TXNDC8: variants seen among roughly 807,000 people sequenced by gnomAD.
TXNDC8 encodes the protein thioredoxin domain-containing protein 8.
Under a neutral mutation model 12.9 loss-of-function variants are expected in TXNDC8, and 15 were observed. The ratio of observed to expected loss-of-function variants is 1.16; its 90% CI spans 0.78 to 1.79. The LOEUF is 1.79. Among genes scored for constraint, TXNDC8 ranks in the 40% most tolerant of loss-of-function variants. The pLI is 0.00. For synonymous variants in TXNDC8, 40 were observed against 35.4 expected, an observed-to-expected ratio of 1.13 and a Z score of -0.46; for missense variants, 128 against 113.2, an observed-to-expected ratio of 1.13 and a Z score of -0.59.
intron 2 of TXNDC8, among the ~76,000 whole-genome samples, chr9:110,330,654 G>A (rs1839511878): frequency 1.3e-5 from 2 of 152,208 alleles, no homozygotes; most frequent in Admixed American, 1.3e-4. Context: ...ACTATGCCCT[G>A]TGGACCAAAT....
intron 3 of TXNDC8, among the ~76,000 whole-genome samples, chr9:110,308,003 G>T (rs1838526277): frequency 6.6e-6 from 1 of 152,208 alleles, no homozygotes; most frequent in South Asian, 2.1e-4. Flanking sequence ...GGTGTTTGGG[G>T]TTCACATTTG....
chr9:110,330,546 A>G (rs1839508993), intron 2 of TXNDC8, among the ~76,000 whole-genome samples: 1 of 152,174 alleles, frequency 6.6e-6, no homozygotes, highest in Non-Finnish European at 1.5e-5. Flanking sequence ...CCCCGATCAC[A>G]TCATACAATT....
chr9:110,310,487 A>G (rs984873675), intron 3 of TXNDC8, among the ~76,000 whole-genome samples: 5 of 152,190 alleles, frequency 3.3e-5, no homozygotes, highest in Admixed American at 1.3e-4. Flanking sequence ...TGAATCTACA[A>G]GATGTACTTC....
chr9:110,311,533 A>G (rs577872255), intron 3 of TXNDC8, among the ~76,000 whole-genome samples: 3 of 108,190 alleles, frequency 2.8e-5, no homozygotes, highest in Admixed American at 1.1e-4. Flanking sequence ...ATATATATAT[A>G]TATATATATA....
intron 2 of TXNDC8, among the ~76,000 whole-genome samples, chr9:110,327,866 T>G (rs1465538175): frequency 6.6e-6 from 1 of 152,124 alleles, no homozygotes; most frequent in Non-Finnish European, 1.5e-5. Context: ...GTTCTAAAAT[T>G]GATTGTAGTG....
At chr9:110,333,802 T>C (rs1587994177) in intron 2 of TXNDC8, among the ~76,000 whole-genome samples, 1 of 152,238 alleles carries the variant, frequency 6.6e-6, no homozygotes, top group African/African-American at 2.4e-5. Flanking sequence ...TGGTTTGTTC[T>C]GATAATAAGG....
intron 3 of TXNDC8, among the ~76,000 whole-genome samples, chr9:110,313,557 C>G (rs1348630634): frequency 2.6e-5 from 4 of 151,996 alleles, no homozygotes; most frequent in Non-Finnish European, 5.9e-5. Context: ...AAAAATTAGC[C>G]AGGCGTGGTG....
intron 1 of TXNDC8, among the ~76,000 whole-genome samples, chr9:110,335,670 T>C (rs912681964): frequency 6.6e-6 from 1 of 152,188 alleles, no homozygotes. Flanking sequence ...CTGACTCCAG[T>C]TCCTATTTCC....
chr9:110,309,693 A>T (rs1473562519), intron 3 of TXNDC8, among the ~76,000 whole-genome samples: 1 of 152,204 alleles, frequency 6.6e-6, no homozygotes, highest in Non-Finnish European at 1.5e-5. Context: ...CTGATTACCT[A>T]GTGTTTTGAG....
intron 2 of TXNDC8, 136 bp downstream of exon 3, chr9:110,329,096 A>C: frequency 1.4e-6 from 1 of 721,582 alleles, no homozygotes; most frequent in Non-Finnish European, 2.3e-6. Flanking sequence ...GAGGAAGTTT[A>C]CTGTAGTTAT....
chr9:110,327,596 T>C (rs1839383155), intron 2 of TXNDC8, among the ~76,000 whole-genome samples: 1 of 152,182 alleles, frequency 6.6e-6, no homozygotes, highest in Non-Finnish European at 1.5e-5. Context: ...GTGCTGATAT[T>C]ACAGGTGTGA....
At chr9:110,314,179 T>C (rs1195181761) in intron 3 of TXNDC8, among the ~76,000 whole-genome samples, 1 of 152,060 alleles carries the variant, frequency 6.6e-6, no homozygotes, top group African/African-American at 2.4e-5. Flanking sequence ...AAGGCAACCA[T>C]TTGTCTTTTA....
chr9:110,332,171 C>A (rs1186642060), intron 2 of TXNDC8, among the ~76,000 whole-genome samples: 1 of 152,190 alleles, frequency 6.6e-6, no homozygotes, highest in Non-Finnish European at 1.5e-5. Flanking sequence ...TCTTGAGTGT[C>A]AGCATGGTAG....
At chr9:110,321,145 G>T (rs1839077600) in intron 3 of TXNDC8, among the ~76,000 whole-genome samples, 1 of 152,144 alleles carries the variant, frequency 6.6e-6, no homozygotes, top group Non-Finnish European at 1.5e-5. Context: ...TAATTGAAAT[G>T]AGCTAGAATC....
intron 3 of TXNDC8, among the ~76,000 whole-genome samples, chr9:110,309,903 G>A (rs1249134276): frequency 1.3e-5 from 2 of 151,710 alleles, no homozygotes; most frequent in Admixed American, 6.6e-5. Context: ...AATAATCTCA[G>A]TTCCTTTTAT....
chr9:110,328,685 A>T (rs1839433067), intron 2 of TXNDC8, among the ~76,000 whole-genome samples: 1 of 152,236 alleles, frequency 6.6e-6, no homozygotes, highest in Non-Finnish European at 1.5e-5. Context: ...ACATGCCTGT[A>T]ATCCCAGCGA....
At chr9:110,309,917 G>GA (rs936060128) in intron 3 of TXNDC8, among the ~76,000 whole-genome samples, 1 of 150,214 alleles carries the variant, frequency 6.7e-6, no homozygotes, top group Non-Finnish European at 1.5e-5. Flanking sequence ...CTTTTATTAA[G>GA]AAAAAAAAAG....
intron 4 of TXNDC8, 162 bp from the exon 6 acceptor site, chr9:110,303,745 A>G (rs1174266574): frequency 1.4e-5 from 21 of 1,505,630 alleles, no homozygotes; most frequent in East Asian, 2.5e-5. Flanking sequence ...CATTAAATTC[A>G]TAATATTTTC....
chr9:110,324,156 A>G (rs1335388276), intron 3 of TXNDC8, among the ~76,000 whole-genome samples: 1 of 152,216 alleles, frequency 6.6e-6, no homozygotes, highest in African/African-American at 2.4e-5. Flanking sequence ...CCTGAAGCAG[A>G]AGGTAGGGAA....
Sources: gnomAD v4.1 joint callset for allele counts (sites outside exome capture counted in the v4.1 genomes callset) on GRCh38, gnomAD v4.1.1 for gene constraint, MANE v1.5 for transcripts, NCBI Gene and HGNC (gene_info 2026-07-23, HGNC 2026-07-21) for gene names.